The following ASAP2 variants were observed in gnomAD, a reference collection of about 807,000 sequenced individuals.
ASAP2 encodes arf-GAP with SH3 domain, ANK repeat and PH domain-containing protein 2.
A neutral mutation model predicts 131.4 loss-of-function variants in ASAP2; 45 were observed. The ratio of observed to expected loss-of-function variants is 0.34; its 90% confidence interval spans 0.27 to 0.44. The LOEUF is 0.44. Ranked by LOEUF, ASAP2 falls within the 20% of genes least tolerant of loss-of-function variation. The pLI is 1.00. For missense variants in ASAP2, 1,011 were observed against 1,297.0 expected (o/e 0.78, Z 3.39); for synonymous variants, 510 against 503.0 (o/e 1.01, Z -0.19).
chr2:9,298,411 C>G (rs1192663689), intron 3 of ASAP2, among the ~76,000 whole-genome samples: 2 of 152,214 alleles, frequency 1.3e-5, no homozygotes, highest in Non-Finnish European at 2.9e-5. Flanking sequence ...GGCCCTTGCT[C>G]TTTCTCCCCG....
rs1163168007 is a variant in ASAP2, at chr2:9,217,637, G to GGGC, written c.126+10408_126+10409insGCG. On this transcript the variant is annotated intron_variant, in intron 1 of 27. Transcript: ENST00000281419. This position sits in a 1 kb window ranked among gnomAD's most constrained non-coding sequence, Gnocchi z 4.0. ...TGTTTTTTGTTTTTTTTTTTGAGACGGAGTCTTCGCTCTGCCACCCAGGCT... is the reference window on the plus strand; with the variant it reads ...TGTTTTTTGTTTTTTTTTTTGAGACGGGCGAGTCTTCGCTCTGCCACCCAGGCT... Among the ~76,000 whole-genome samples, 2 of 148,898 alleles carry GGGC rather than the reference G, an allele frequency of 1.3e-5. No individual in the cohort carries two copies. Among genetic ancestry groups the GGGC allele is most frequent in the East Asian group, 3.9e-4 (2 of 5,152 alleles).
intron 9 of ASAP2, among the ~76,000 whole-genome samples, chr2:9,343,386 C>T (rs1398260967): frequency 8.2e-6 from 1 of 122,604 alleles, no homozygotes; most frequent in African/African-American, 3.5e-5. Flanking sequence ...AATAGAATTT[C>T]CTGCACTGGC....
chr2:9,387,977 C>G (rs549031091), intron 21 of ASAP2, among the ~76,000 whole-genome samples: 2 of 152,308 alleles, frequency 1.3e-5, no homozygotes, highest in South Asian at 4.1e-4. Context: ...CCAAGAACAG[C>G]AGAGGGGAAC....
rs111761084 is a variant in ASAP2, at chr2:9,344,893, C to T, written c.1023+93C>T. On this transcript the variant is annotated intron_variant, in intron 11 of 27. Coordinates refer to ENST00000281419, the MANE Select transcript of ASAP2 (RefSeq NM_003887.3). ...AAGTTAGAGGGCAGGAGTTGTTCTC[C>T]GTGTGTGATGGTATTAAGGATGTGT... 8.3e-4 allele frequency: 895 copies of T among 1,078,214 alleles called. 5 individuals are homozygous for T. The African/African-American group carries it at 0.013, about 16-fold the overall frequency. 66.8% of individuals were successfully genotyped at this position (1,078,214 alleles called of 1,614,324 possible).
rs572599326 is a variant in ASAP2 at position 9,392,391 on chromosome 2, C to T, written c.2519-1091C>T. ...TTCCAGAGCATGAGAATTCTAGAGC[C>T]GAGGTGCTCGTGACTTCCTTAGAGT... On this transcript the variant is annotated intron_variant, in intron 23 of 27. Transcript: ENST00000281419. The surrounding 1 kb of genome is among the most constrained non-coding windows in gnomAD (Gnocchi z 4.0). 2.7e-4 allele frequency among the ~76,000 whole-genome samples: 41 copies of T among 152,268 alleles called. No homozygotes were observed. The South Asian group carries it at 7.2e-3, about 27-fold the overall frequency.
chr2:9,247,053 C>T (rs1664388158), intron 1 of ASAP2, among the ~76,000 whole-genome samples: 1 of 151,306 alleles, frequency 6.6e-6, no homozygotes, highest in Admixed American at 6.6e-5. Flanking sequence ...TCCAGGATGG[C>T]CTTGAACTCC....
chr2:9,223,032 C>T (rs1662536883), intron 1 of ASAP2, among the ~76,000 whole-genome samples: 1 of 152,166 alleles, frequency 6.6e-6, no homozygotes, highest in Non-Finnish European at 1.5e-5. Context: ...ACTCAAGAGT[C>T]CCACTTTAAT....
rs1016153615 is a variant in ASAP2 at position 9,268,137 on chromosome 2, T to C, written c.127-11180T>C. On this transcript the variant is annotated intron_variant, in intron 1 of 27. Transcript: ENST00000281419. The surrounding 1 kb of genome is among the most constrained non-coding windows in gnomAD (Gnocchi z 4.1). ...ACTGCATGTATTCTTTTGCTCAACA[T>C]TTTTGTCAAGTTCACTTGTGTTGTG... Among the ~76,000 whole-genome samples, 1 of 152,214 alleles carries C rather than the reference T, an allele frequency of 6.6e-6. No homozygotes were observed. The highest frequency in any genetic ancestry group is 1.5e-5 in the Non-Finnish European group (1 of 68,042).
chr2:9,267,087 T>A (rs927421086), intron 1 of ASAP2, among the ~76,000 whole-genome samples: 42 of 152,288 alleles, frequency 2.8e-4, no homozygotes, highest in African/African-American at 1.0e-3. Flanking sequence ...TTCTTAATAA[T>A]ATATCTTATA....
intron 1 of ASAP2, among the ~76,000 whole-genome samples, chr2:9,244,729 T>G (rs1664218124): frequency 1.3e-5 from 2 of 152,210 alleles, no homozygotes; most frequent in African/African-American, 4.8e-5. Context: ...CCTGAGCACC[T>G]TCCCAGGTAC....
intron 3 of ASAP2, among the ~76,000 whole-genome samples, chr2:9,304,697 GGT>G: frequency 6.7e-6 from 1 of 149,380 alleles, no homozygotes; most frequent in African/African-American, 2.5e-5. Flanking sequence ...GTAATAGTGG[GGT>G]ATAGATATTG....
chr2:9,307,524 T>C (rs1669022128), intron 3 of ASAP2, among the ~76,000 whole-genome samples: 1 of 152,248 alleles, frequency 6.6e-6, no homozygotes, highest in East Asian at 1.9e-4. Flanking sequence ...TCCTGGGTTC[T>C]CCAGTGCTGC....
intron 1 of ASAP2, among the ~76,000 whole-genome samples, chr2:9,234,220 T>A (rs1663379622): frequency 6.6e-6 from 1 of 151,796 alleles, no homozygotes; most frequent in Non-Finnish European, 1.5e-5. Context: ...CTGGCTCGAG[T>A]TCATTTTTCT....
In ASAP2 at chr2:9,268,860, T is replaced by A. The variant is rs1666135657; in HGVS notation, c.127-10457T>A. ...CTCTGCTCTCCCCAGGGCAGCATCT[T>A]CGGGTTCTAAGAAGGAAGCCAGCCT... On this transcript the variant is annotated intron_variant, in intron 1 of 27. Coordinates refer to ENST00000281419, the MANE Select transcript of ASAP2 (RefSeq NM_003887.3). This position sits in a 1 kb window ranked among gnomAD's most constrained non-coding sequence, Gnocchi z 4.1. 6.6e-6 allele frequency among the ~76,000 whole-genome samples: 1 copy of A among 152,138 alleles called. No individual in the cohort carries two copies. The highest frequency in any genetic ancestry group is 1.5e-5 in the Non-Finnish European group (1 of 68,028).
intron 2 of ASAP2, among the ~76,000 whole-genome samples, chr2:9,294,316 G>T (rs74341814): frequency 6.6e-6 from 1 of 151,972 alleles, no homozygotes; most frequent in South Asian, 2.1e-4. Flanking sequence ...TTTTTAAAAA[G>T]AAAAAAACTT....
intron 1 of ASAP2, among the ~76,000 whole-genome samples, chr2:9,252,468 G>T (rs2148141153): frequency 6.6e-6 from 1 of 152,238 alleles, no homozygotes; most frequent in South Asian, 2.1e-4. Context: ...CAGCTACTCA[G>T]GAGGCTACGG....
At chr2:9,278,512 CAA>C (rs543049325) in intron 1 of ASAP2, among the ~76,000 whole-genome samples, 32,916 of 113,762 alleles carry the variant, frequency 0.29, 3,704 homozygotes, top group Middle Eastern at 0.33. Flanking sequence ...GACCCCTTCT[CAA>C]AAAAAAAAAA....
intron 9 of ASAP2, among the ~76,000 whole-genome samples, chr2:9,335,759 T>A (rs998502351): frequency 6.6e-6 from 1 of 152,240 alleles, no homozygotes; most frequent in Non-Finnish European, 1.5e-5. Context: ...GACTTGTTTT[T>A]AAAAAGCCAT....
At chr2:9,265,165 A>C (rs544132670) in intron 1 of ASAP2, among the ~76,000 whole-genome samples, 1 of 152,212 alleles carries the variant, frequency 6.6e-6, no homozygotes, top group African/African-American at 2.4e-5. Flanking sequence ...GAAAAATACA[A>C]ATTTTTAAAA....
Sources: gnomAD v4.1 joint callset for allele counts (sites outside exome capture counted in the v4.1 genomes callset) on GRCh38, gnomAD v4.1.1 for gene constraint, Gnocchi (gnomAD v3.1) non-coding constraint, MANE v1.5 for transcripts, NCBI Gene and HGNC (gene_info 2026-07-23, HGNC 2026-07-21) for gene names.